Variants in PFKM observed in about 807,000 individuals in gnomAD.
PFKM encodes phosphofructokinase, muscle, also known as ATP-dependent 6-phosphofructokinase, muscle type.
A neutral mutation model predicts 95.5 loss-of-function variants in PFKM; 58 were observed. That is an observed-to-expected ratio of 0.61 (90% CI 0.49 to 0.76). The LOEUF is 0.76. PFKM is among the 30% of genes least tolerant of loss of function. The pLI is 0.00. For synonymous variants in PFKM, 336 were observed against 357.2 expected, an observed-to-expected ratio of 0.94 and a Z score of 0.67; for missense variants, 678 against 1,005.4, an observed-to-expected ratio of 0.67 and a Z score of 4.40.
chr12:48,135,863 C>T (rs958507373), intron 10 of PFKM, among the ~76,000 whole-genome samples: 3 of 151,906 alleles, frequency 2.0e-5, no homozygotes, highest in African/African-American at 7.3e-5. Context: ...GTGTACTTTA[C>T]CCCCACCCAT....
chr12:48,144,434 G>A (rs1319093804), intron 20 of PFKM, among the ~76,000 whole-genome samples: 2 of 152,164 alleles, frequency 1.3e-5, no homozygotes, highest in Non-Finnish European at 2.9e-5. Flanking sequence ...GGGGCTGGAT[G>A]ATAATTTGTC....
At chr12:48,125,231 A>T in intron 2 of PFKM, 1 of 392,540 alleles carries the variant, frequency 2.5e-6, no homozygotes, top group South Asian at 1.9e-5. Flanking sequence ...CTACCCCTGG[A>T]AAGGACCTCA....
Position 48,134,833 on chromosome 12 carries a change from C to T in PFKM, c.747+4C>T, listed in dbSNP as rs1158178291. The T allele has an allele frequency of 1.2e-6, 2 of 1,610,594 alleles. No individual in the cohort carries two copies. Among genetic ancestry groups the T allele is most frequent in the African/African-American group, 2.7e-5 (2 of 74,834 alleles). On this transcript the variant is annotated splice_donor_region_variant and intron_variant, in intron 8 of 22. Transcript: ENST00000359794. Reference sequence around the variant, plus strand: ...CCTTTGTCGCCGACTCAGCGAGGTACTTGCACTTTATTTTGCCCTTAAGAA... The same window carrying T: ...CCTTTGTCGCCGACTCAGCGAGGTATTTGCACTTTATTTTGCCCTTAAGAA...
At chr12:48,105,803 G>A (rs922814199), upstream of PFKM, 5 of 589,036 alleles carry the variant, frequency 8.5e-6, no homozygotes, top group Middle Eastern at 4.5e-4. Context: ...CAGAAGGAAC[G>A]GCCTCAGGTA....
chr12:48,116,614 G>A (rs1355272088), upstream of PFKM, among the ~76,000 whole-genome samples: 2 of 152,146 alleles, frequency 1.3e-5, no homozygotes, highest in Non-Finnish European at 2.9e-5. Context: ...GAGTAGCTGG[G>A]ACTACAGGCA....
At chr12:48,106,331 T>A in intron 1 of PFKM, 1 of 561,658 alleles carries the variant, frequency 1.8e-6, no homozygotes, top group African/African-American at 1.9e-5. Context: ...CCCTTCGTCC[T>A]ATGCTTTTCT....
In PFKM at chr12:48,130,445, T is replaced by G. The variant is rs1949355008; in HGVS notation, c.159+9T>G. On this transcript the variant is annotated intron_variant, in intron 3 of 22. Coordinates refer to ENST00000359794, the MANE Select transcript of PFKM (RefSeq NM_000289.6). Reference sequence around the variant, plus strand: ...TCTTCTTTGTCCATGAGGTTGGTTCTGTACTTTGTTCTTCATCATTCTTTC... The same window carrying G: ...TCTTCTTTGTCCATGAGGTTGGTTCGGTACTTTGTTCTTCATCATTCTTTC... 2 of 1,599,020 alleles carry G rather than the reference T, an allele frequency of 1.3e-6. No individual in the cohort carries two copies. The highest frequency in any genetic ancestry group is 2.7e-5 in the African/African-American group (2 of 74,666).
chr12:48,142,515 T>A, intron 17 of PFKM: 1 of 505,660 alleles, frequency 2.0e-6, no homozygotes, highest in Non-Finnish European at 3.5e-6. Context: ...ATGTTTTGTT[T>A]GTTTTTTTTT....
At chr12:48,139,719 C>G (rs1950412923) in intron 12 of PFKM, 130 bp from the exon 13 acceptor site, 1 of 731,624 alleles carries the variant, frequency 1.4e-6, no homozygotes, top group Non-Finnish European at 2.5e-6. Context: ...CTGCTCTGCC[C>G]CAGTTCTGTC....
chr12:48,129,802 G>A (rs1045060169), intron 2 of PFKM, among the ~76,000 whole-genome samples: 1 of 152,194 alleles, frequency 6.6e-6, no homozygotes, highest in Admixed American at 6.5e-5. Flanking sequence ...AGTGCAGAAA[G>A]CAAGGAAAAA....
chr12:48,143,705 A>C (rs752936757), intron 18 of PFKM, 48 bp from the exon 19 acceptor site: 1 of 1,359,616 alleles, frequency 7.4e-7, no homozygotes, highest in Non-Finnish European at 1.1e-6. Flanking sequence ...TTTATACCCA[A>C]CCTTATCCAT....
chr12:48,122,134 G>A (rs895049205), intron 1 of PFKM, among the ~76,000 whole-genome samples: 1 of 152,190 alleles, frequency 6.6e-6, no homozygotes, highest in Non-Finnish European at 1.5e-5. Flanking sequence ...GACATCCTGA[G>A]AGGGAAGAGC....
intron 3 of PFKM, among the ~76,000 whole-genome samples, chr12:48,112,816 A>G (rs1418575150): frequency 1.3e-5 from 2 of 152,210 alleles, no homozygotes; most frequent in South Asian, 2.1e-4. Context: ...TTAAAAGGCC[A>G]TGCTGTAACA....
chr12:48,105,937 C>A, exon 1 of PFKM: 1 of 687,278 alleles, frequency 1.5e-6, no homozygotes, highest in Non-Finnish European at 2.7e-6. Flanking sequence ...CCGCCCAGTC[C>A]AGCCCGGGCC....
intron 15 of PFKM, 145 bp from the exon 16 acceptor site, chr12:48,141,595 T>C (rs1043751361): frequency 1.3e-6 from 1 of 799,088 alleles, no homozygotes; most frequent in Non-Finnish European, 2.2e-6. Context: ...TGGATAGGAC[T>C]GAGAGGGTGG....
intron 1 of PFKM, among the ~76,000 whole-genome samples, chr12:48,120,773 G>A (rs1468606605): frequency 6.6e-6 from 1 of 152,162 alleles, no homozygotes; most frequent in Non-Finnish European, 1.5e-5. Context: ...ATGTGAGAAG[G>A]GCTGGATTTG....
upstream of PFKM, among the ~76,000 whole-genome samples, chr12:48,116,439 A>G (rs1203677506): frequency 1.3e-5 from 2 of 152,016 alleles, no homozygotes; most frequent in Non-Finnish European, 2.9e-5. Flanking sequence ...GCCATTATAT[A>G]TCATTTTTAG....
chr12:48,115,530 T>C (rs1947595102), upstream of PFKM, among the ~76,000 whole-genome samples: 1 of 152,126 alleles, frequency 6.6e-6, no homozygotes, highest in African/African-American at 2.4e-5. Context: ...TCAGTTAAGG[T>C]GGGGCAGAAA....
At chr12:48,109,384 T>C (rs1402919695) in intron 3 of PFKM, among the ~76,000 whole-genome samples, 4 of 152,102 alleles carry the variant, frequency 2.6e-5, no homozygotes, top group African/African-American at 9.7e-5. Flanking sequence ...CTTTTTTCTT[T>C]TCTTCCTTTT....
Sources: gnomAD v4.1 joint callset for allele counts (sites outside exome capture counted in the v4.1 genomes callset) on GRCh38, gnomAD v4.1.1 for gene constraint, MANE v1.5 for transcripts, NCBI Gene and HGNC (gene_info 2026-07-23, HGNC 2026-07-21) for gene names.